Variants in TNRC6B observed in about 807,000 individuals in gnomAD.
TNRC6B encodes the protein trinucleotide repeat-containing gene 6B protein.
In TNRC6B, 52 loss-of-function variants were observed where a neutral mutation model predicts 203.6. That is an observed-to-expected ratio of 0.26 (90% CI 0.20 to 0.32). The LOEUF (loss-of-function observed/expected upper bound fraction) is 0.32, where lower values mean the gene tolerates loss of function less well. Among genes scored for constraint, TNRC6B ranks in the 10% least tolerant of loss-of-function variants. The pLI is 1.00. For synonymous variants in TNRC6B, 838 were observed against 845.7 expected (o/e 0.99, Z 0.16); for missense variants, 1,923 against 2,286.2 (o/e 0.84, Z 3.24).
At position 40,297,982 on chromosome 22, in the gene TNRC6B, G is replaced by A. The variant is rs375303501; in HGVS notation, c.3709-2473G>A. On this transcript the variant is annotated intron_variant, in intron 12 of 22. Transcript: ENST00000454349. ...CTAAAAAAAATACAAAAAATTAGCC[G>A]GGCATGGTGGCAGGCACCTGTAGTC... Among the ~76,000 whole-genome samples the A allele has an allele frequency of 6.0e-5, 9 of 151,094 alleles. No individual in the cohort carries two copies. The South Asian group carries it at 8.4e-4, about 14-fold the overall frequency.
At chr22:40,109,350 A>T (rs1289151154) in intron 1 of TNRC6B, among the ~76,000 whole-genome samples, 1 of 152,156 alleles carries the variant, frequency 6.6e-6, no homozygotes, top group Non-Finnish European at 1.5e-5. Flanking sequence ...GTCATTGAGG[A>T]ATCACCACAC....
At chr22:40,294,995 A>G (rs1289151378) in intron 12 of TNRC6B, among the ~76,000 whole-genome samples, 6 of 152,208 alleles carry the variant, frequency 3.9e-5, no homozygotes, top group Non-Finnish European at 8.8e-5. Flanking sequence ...GGTTGGTAAC[A>G]CTCAGCATCT....
intron 8 of TNRC6B, among the ~76,000 whole-genome samples, chr22:40,277,550 C>A (rs1187241086): frequency 6.6e-6 from 1 of 152,226 alleles, no homozygotes; most frequent in Non-Finnish European, 1.5e-5. Context: ...TTTCTGATTT[C>A]TTTATCTCTC....
In TNRC6B at chr22:40,266,793, A is replaced by C; in HGVS notation, c.2563A>C (p.Asn855His). ...PPPPGNVRPSNSSWSSGPQPA... is the reference protein window; with the variant it reads ...PPPPGNVRPSHSSWSSGPQPA... The stretch of plus-strand genomic sequence containing the variant: ...ACCTCCAGGCAACGTTCGACCTTCC[A>C]ATTCCAGCTGGAGCAGCGGGCCACA... The change falls in exon 5 of 23, where the codon AAT becomes CAT. Residue 855 changes from asparagine to histidine, a missense_variant. By Grantham distance (68) the Asn-to-His change is moderately conservative (BLOSUM62 1). Coordinates refer to ENST00000454349, the MANE Select transcript of TNRC6B (RefSeq NM_001162501.2). The C allele has an allele frequency of 6.2e-7, 1 of 1,613,664 alleles. No individual in the cohort carries two copies. The highest frequency in any genetic ancestry group is 8.5e-7 in the Non-Finnish European group (1 of 1,179,684).
rs766326541 is a variant in TNRC6B, at chr22:40,262,093, C to T, written c.377C>T (p.Pro126Leu). The change falls in exon 4 of 23, where the codon CCC becomes CTC. Residue 126 changes from proline to leucine, a missense_variant. This residue lies in a region of TNRC6B where 614 missense variants were observed against 587.7 expected (regional missense o/e 1.04). Transcript: ENST00000454349. The stretch of plus-strand genomic sequence containing the variant: ...CTTGGGGGTGGGGCAGGGCCTCCTC[C>T]CTGCACAGCACCTGGAGCAAACCCA... ...MLLGGGAGPPPCTAPGANPNN... is the reference protein window; with the variant it reads ...MLLGGGAGPPLCTAPGANPNN... The T allele has an allele frequency of 5.8e-6, 9 of 1,551,544 alleles. No individual in the cohort carries two copies. The highest frequency in any genetic ancestry group is 7.9e-6 in the Non-Finnish European group (9 of 1,136,022).
Position 40,100,067 on chromosome 22 carries a change from A to ATTATTTAT in TNRC6B, c.-120-16955_-120-16948dup, listed in dbSNP as rs34836211. 9.7e-3 allele frequency among the ~76,000 whole-genome samples: 1,090 copies of ATTATTTAT among 112,048 alleles called. 11 individuals carry two copies. The highest frequency in any genetic ancestry group is 0.017 in the Middle Eastern group (4 of 232). The allele number at this position is 112,048 out of a possible 152,430, so 73.5% of individuals were successfully genotyped here. A position where few individuals can be genotyped will look rare whatever the true frequency, so the allele number is the denominator to read the frequency against. The stretch of plus-strand genomic sequence containing the variant: ...CGCCTGGCCCCTCCATTTTATTTTT[A>ATTATTTAT]TTATTTATTTATTTATTTATTTATT... On this transcript the variant is annotated intron_variant, in intron 1 of 23. Coordinates refer to the TNRC6B transcript ENST00000301923.
chr22:40,232,729 C>T (rs573621863), intron 1 of TNRC6B, among the ~76,000 whole-genome samples: 1 of 152,324 alleles, frequency 6.6e-6, no homozygotes, highest in South Asian at 2.1e-4. Context: ...TTAAAAATAG[C>T]TGGCTGGGTG....
At chr22:40,085,985 C>T (rs1260725915) in intron 1 of TNRC6B, among the ~76,000 whole-genome samples, 1 of 152,078 alleles carries the variant, frequency 6.6e-6, no homozygotes, top group Non-Finnish European at 1.5e-5. Flanking sequence ...ATCCTCCCAC[C>T]TCAGCCCCTC....
intron 1 of TNRC6B, among the ~76,000 whole-genome samples, chr22:40,080,905 G>A (rs1211959684): frequency 6.6e-6 from 1 of 150,792 alleles, no homozygotes; most frequent in East Asian, 2.0e-4. Flanking sequence ...CACCCAGGCT[G>A]GAGTGCAGTG....
rs1251070548 is a variant in TNRC6B at position 40,083,453 on chromosome 22, G to A, written c.-120-33602G>A. 2.0e-5 allele frequency among the ~76,000 whole-genome samples: 3 copies of A among 152,194 alleles called. No individual in the cohort carries two copies. In the South Asian group the frequency reaches 6.2e-4, roughly 31 times the overall value. On this transcript the variant is annotated intron_variant, in intron 1 of 23. Coordinates refer to the TNRC6B transcript ENST00000301923. ...TTTTAACAGAGCTTGCGTAGGAGGT[G>A]AGAAAGTATGAGAAAGATAGCAGGT...
intron 1 of TNRC6B, among the ~76,000 whole-genome samples, chr22:40,088,232 T>C (rs1053390387): frequency 6.6e-6 from 1 of 152,098 alleles, no homozygotes; most frequent in African/African-American, 2.4e-5. Flanking sequence ...AGACTGAAGC[T>C]CTGAAAAATT....
chr22:40,110,207 G>T (rs1201805659), intron 1 of TNRC6B, among the ~76,000 whole-genome samples: 2 of 152,088 alleles, frequency 1.3e-5, no homozygotes, highest in African/African-American at 4.8e-5. Flanking sequence ...TACTTATGGG[G>T]TACAAAGTGA....
chr22:40,254,836 A>G (rs1245770820), intron 3 of TNRC6B, among the ~76,000 whole-genome samples: 1 of 152,206 alleles, frequency 6.6e-6, no homozygotes, highest in Admixed American at 6.5e-5. Flanking sequence ...GCAGTGAGCC[A>G]AGATCATGCC....
Position 40,051,152 on chromosome 22 carries a change from C to T in TNRC6B, c.-121+6154C>T, listed in dbSNP as rs369101014. Among the ~76,000 whole-genome samples, 33 of 152,274 alleles carry T rather than the reference C, an allele frequency of 2.2e-4. 2 individuals carry two copies. The highest frequency in any genetic ancestry group is 1.4e-3 in the Admixed American group (21 of 15,290). On this transcript the variant is annotated intron_variant, in intron 1 of 23. Coordinates refer to the TNRC6B transcript ENST00000301923. ...CTGTAGTTTCTGGTAGCCTTGCCTA[C>T]GTCCTCAGTGTCTCCTCTGGGACTT...
At chr22:40,152,395 C>T (rs527317147) in intron 3 of TNRC6B, among the ~76,000 whole-genome samples, 163 of 152,316 alleles carry the variant, frequency 1.1e-3, no homozygotes, top group South Asian at 3.5e-3. Flanking sequence ...GGCACGATCT[C>T]GGCTCACTGC....
At chr22:40,222,967 AAAC>A (rs1469009373) in intron 1 of TNRC6B, among the ~76,000 whole-genome samples, 1 of 151,814 alleles carries the variant, frequency 6.6e-6, no homozygotes, top group Non-Finnish European at 1.5e-5. Context: ...GGCTGGTCTC[AAAC>A]TTTGGGACTT....
chr22:40,087,755 G>T (rs769889423), intron 1 of TNRC6B, among the ~76,000 whole-genome samples: 2 of 152,178 alleles, frequency 1.3e-5, no homozygotes, highest in African/African-American at 4.8e-5. Context: ...AGCCTTGGGG[G>T]ACCTGGGAAT....
chr22:40,225,982 T>A (rs1453665031), intron 1 of TNRC6B, among the ~76,000 whole-genome samples: 1 of 152,218 alleles, frequency 6.6e-6, no homozygotes, highest in Non-Finnish European at 1.5e-5. Flanking sequence ...GCTTAGTTGT[T>A]ATCAAAATGC....
chr22:40,138,105 G>C (rs1172861850), intron 3 of TNRC6B, among the ~76,000 whole-genome samples: 1 of 152,150 alleles, frequency 6.6e-6, no homozygotes, highest in East Asian at 1.9e-4. Flanking sequence ...GACTGAGGAA[G>C]GCTTTTGAAA....
Sources: allele counts gnomAD v4.1 joint callset (sites outside exome capture counted in the v4.1 genomes callset), GRCh38; gene constraint gnomAD v4.1.1; regional missense constraint gnomAD v4.1.1; transcripts MANE v1.5; gene names NCBI Gene and HGNC (gene_info 2026-07-23, HGNC 2026-07-21).